The following XPNPEP1 variants were observed in gnomAD, a reference collection of about 807,000 sequenced individuals.
The protein encoded by XPNPEP1 is xaa-Pro aminopeptidase 1.
In XPNPEP1, 39 loss-of-function variants were observed where a neutral mutation model predicts 92.4. The ratio of observed to expected loss-of-function variants is 0.42; its 90% CI spans 0.33 to 0.55. XPNPEP1 has a LOEUF of 0.55. Among genes scored for constraint, XPNPEP1 ranks in the 20% least tolerant of loss-of-function variants. The probability of loss-of-function intolerance (pLI) is 0.08; values close to 1 mark genes in which losing one functional copy is unlikely to be tolerated. For missense variants in XPNPEP1, 654 were observed against 856.1 expected (o/e 0.76, Z 2.95); for synonymous variants, 307 against 299.4 (o/e 1.03, Z -0.26).
At chr10:109,872,004 G>A (rs908793711) in intron 16 of XPNPEP1, 143 bp from the exon 17 acceptor site, 1 of 792,044 alleles carries the variant, frequency 1.3e-6, no homozygotes, top group Non-Finnish European at 1.9e-6. Flanking sequence ...AAAATCTGGT[G>A]GAAAAAAAGC....
chr10:109,902,869 T>C (rs1384127331), intron 3 of XPNPEP1, among the ~76,000 whole-genome samples: 3 of 152,108 alleles, frequency 2.0e-5, no homozygotes, highest in Non-Finnish European at 4.4e-5. Context: ...GGATCATTAG[T>C]AGGAGATAAA....
chr10:109,891,665 T>A, intron 5 of XPNPEP1, 57 bp downstream of exon 5: 2 of 1,404,198 alleles, frequency 1.4e-6, no homozygotes, highest in Non-Finnish European at 1.9e-6. Flanking sequence ...TGAGGACCTC[T>A]AGGATCCCTG....
In XPNPEP1 at chr10:109,907,704, C is replaced by G. The variant is rs548510533; in HGVS notation, c.233G>C (p.Gly78Ala). 6.2e-7 allele frequency: 1 copy of G among 1,614,188 alleles called. No homozygotes were observed. Among genetic ancestry groups the G allele is most frequent in the African/African-American group, 1.3e-5 (1 of 75,058 alleles). ...EPIQAYIIPS[G>A]DAHQSEYIAP... ...GCCATGCAGTACCTGATGAGCATCTCCCGATGGGATGATGTAGGCCTGGAT... is the reference window on the plus strand; with the variant it reads ...GCCATGCAGTACCTGATGAGCATCTGCCGATGGGATGATGTAGGCCTGGAT... Residue 78 changes from glycine (G) to alanine (A), a missense_variant, in exon 3 of 21, where the codon GGA becomes GCA. Gly to Ala is a moderately conservative substitution (Grantham distance 60). Transcript: ENST00000502935.
intron 3 of XPNPEP1, among the ~76,000 whole-genome samples, chr10:109,896,985 T>A (rs1350108234): frequency 6.6e-6 from 1 of 152,198 alleles, no homozygotes; most frequent in Non-Finnish European, 1.5e-5. Context: ...ATAGCAGTGA[T>A]AGGAAACTAA....
Position 109,867,736 on chromosome 10 carries a change from C to T in XPNPEP1, c.1872+878G>A, listed in dbSNP as rs759577720. Among the ~76,000 whole-genome samples, 3 of 152,224 alleles carry T rather than the reference C, an allele frequency of 2.0e-5. No homozygotes were observed. The highest frequency in any genetic ancestry group is 6.5e-5 in the Admixed American group (1 of 15,284). On this transcript the variant is annotated intron_variant, in intron 20 of 20. Transcript: ENST00000502935. The surrounding 1 kb of genome is among the most constrained non-coding windows in gnomAD (Gnocchi z 4.5). Reference sequence around the variant, plus strand: ...CTCAGATAACAAAATATTCTTATTCCGAGAGTAACCCACCGTGCTTACCCT... The same window carrying T: ...CTCAGATAACAAAATATTCTTATTCTGAGAGTAACCCACCGTGCTTACCCT...
At chr10:109,880,107 GGGAGATGC>G in intron 12 of XPNPEP1, 73 bp downstream of exon 12, 1 of 1,378,664 alleles carries the variant, frequency 7.3e-7, no homozygotes, top group Non-Finnish European at 1.0e-6. Context: ...AGCAGAGCAT[GGGAGATGC>G]TAGAGTTAGA....
At chr10:109,909,034 G>T (rs1849712741) in intron 2 of XPNPEP1, among the ~76,000 whole-genome samples, 1 of 151,666 alleles carries the variant, frequency 6.6e-6, no homozygotes, top group African/African-American at 2.4e-5. Flanking sequence ...ACTTTGGGAG[G>T]CCAAAGCAGG....
chr10:109,904,261 T>C (rs1017657978), intron 3 of XPNPEP1, among the ~76,000 whole-genome samples: 1 of 149,478 alleles, frequency 6.7e-6, no homozygotes, highest in East Asian at 2.0e-4. Flanking sequence ...CCTCATGGCT[T>C]CCTCACATGC....
chr10:109,871,155 G>C, intron 17 of XPNPEP1: 1 of 379,374 alleles, frequency 2.6e-6, no homozygotes, highest in Non-Finnish European at 4.8e-6. Context: ...AGCACACAGA[G>C]GCCGTATCAG....
At chr10:109,887,114 A>G (rs927231867) in intron 7 of XPNPEP1, among the ~76,000 whole-genome samples, 7 of 152,144 alleles carry the variant, frequency 4.6e-5, no homozygotes, top group Admixed American at 3.9e-4. Flanking sequence ...CTCGCACAGC[A>G]TCCTGCAGAT....
chr10:109,904,399 C>T (rs1016395331), intron 3 of XPNPEP1, among the ~76,000 whole-genome samples: 11 of 151,926 alleles, frequency 7.2e-5, no homozygotes, highest in African/African-American at 2.2e-4. Context: ...CATGCAAGAC[C>T]CATCATCGGA....
chr10:109,878,085 C>G, intron 12 of XPNPEP1, 27 bp from the exon 13 acceptor site: 1 of 1,613,770 alleles, frequency 6.2e-7, no homozygotes, highest in Non-Finnish European at 8.5e-7. Context: ...TATAAATCAT[C>G]TGGTGAGATA....
At chr10:109,865,560 C>T (rs1330830887) in intron 20 of XPNPEP1, among the ~76,000 whole-genome samples, 1 of 152,244 alleles carries the variant, frequency 6.6e-6, no homozygotes, top group Non-Finnish European at 1.5e-5. Context: ...AGACAGCAGT[C>T]TCTAAGCCAG....
intron 9 of XPNPEP1, among the ~76,000 whole-genome samples, chr10:109,882,867 A>G (rs770566717): frequency 2.0e-5 from 3 of 152,056 alleles, no homozygotes; most frequent in Non-Finnish European, 4.4e-5. Flanking sequence ...TCCTTCACTG[A>G]TGACCCTCTT....
chr10:109,884,208 G>A, intron 8 of XPNPEP1, 60 bp from the exon 9 acceptor site: 7 of 1,530,508 alleles, frequency 4.6e-6, no homozygotes, highest in Non-Finnish European at 6.3e-6. Context: ...GGGGTCGCTT[G>A]TAGCGGGAGG....
chr10:109,920,859 G>C (rs1271352723), intron 1 of XPNPEP1, among the ~76,000 whole-genome samples: 1 of 152,030 alleles, frequency 6.6e-6, no homozygotes, highest in Non-Finnish European at 1.5e-5. Flanking sequence ...GTTACCTTAA[G>C]GTAATCCTAT....
rs527630929 is a variant in XPNPEP1, at chr10:109,908,992, C to T, written c.122-1177G>A. On this transcript the variant is annotated intron_variant, in intron 2 of 20. Transcript: ENST00000502935. The stretch of plus-strand genomic sequence containing the variant: ...CTCTTTAAAGTATGGCGGGAGTGGC[C>T]GGGTGCGGTGGCTCACACCTGTAAT... 8.7e-5 allele frequency among the ~76,000 whole-genome samples: 13 copies of T among 149,748 alleles called. No homozygotes were observed. In the South Asian group the frequency reaches 1.5e-3, roughly 17 times the overall value.
intron 2 of XPNPEP1, among the ~76,000 whole-genome samples, chr10:109,913,449 C>A (rs1849993314): frequency 6.6e-6 from 1 of 152,234 alleles, no homozygotes; most frequent in African/African-American, 2.4e-5. Flanking sequence ...GGCACAGATG[C>A]TCTTCCAGCA....
At chr10:109,889,284 C>G (rs1303574242) in intron 5 of XPNPEP1, among the ~76,000 whole-genome samples, 3 of 152,248 alleles carry the variant, frequency 2.0e-5, no homozygotes, top group Non-Finnish European at 4.4e-5. Flanking sequence ...CTCACTGCAA[C>G]CTCCACCACC....
Sources: allele counts gnomAD v4.1 joint callset (sites outside exome capture counted in the v4.1 genomes callset), GRCh38; gene constraint gnomAD v4.1.1; non-coding constraint Gnocchi (gnomAD v3.1); transcripts MANE v1.5; gene names NCBI Gene and HGNC (gene_info 2026-07-23, HGNC 2026-07-21).